Variants in KLHDC7A observed in about 807,000 individuals in gnomAD.
KLHDC7A encodes kelch domain-containing protein 7A.
For synonymous variants in KLHDC7A, 464 were observed against 461.0 expected (o/e 1.01, Z -0.08); for missense variants, 1,123 against 1,052.6 (o/e 1.07, Z -0.93).
Position 18,483,641 on chromosome 1 carries a change from G to C in KLHDC7A, c.*326G>C. ...TACACCGGGACCCCACCAAAGCTTA[G>C]GGGGCATAGTCTTTTTGCAATCACA... On this transcript the variant is annotated 3_prime_UTR_variant, in exon 1 of 1. Coordinates refer to ENST00000400664, the MANE Select transcript of KLHDC7A (RefSeq NM_152375.3). 1 of 1,256,254 alleles carries C rather than the reference G, an allele frequency of 8.0e-7. No individual in the cohort carries two copies. The allele number at this position is 1,256,254 out of a possible 1,614,324, so 77.8% of individuals were successfully genotyped here. A position where few individuals can be genotyped will look rare whatever the true frequency, so the allele number is the denominator to read the frequency against.
rs777761901 is a variant in KLHDC7A, at chr1:18,482,673, G to T, written c.1692G>T (p.Pro564=). The change falls in exon 1 of 1, where the codon CCG becomes CCT. Residue 564 remains proline (P), a synonymous_variant. Transcript: ENST00000400664. ...QPSSRVFCYN[P]LTGIWSEVCP... ...CCAGCCGCGTCTTCTGCTACAACCCGCTCACGGGGATCTGGAGCGAGGTGT... is the reference window on the plus strand; with the variant it reads ...CCAGCCGCGTCTTCTGCTACAACCCTCTCACGGGGATCTGGAGCGAGGTGT... 14 of 1,608,886 alleles carry T rather than the reference G, an allele frequency of 8.7e-6. No individual in the cohort carries two copies. Among genetic ancestry groups the T allele is most frequent in the Admixed American group, 1.7e-5 (1 of 59,920 alleles).
At position 18,484,423 on chromosome 1, in the gene KLHDC7A, AGT is replaced by A. The variant is rs2086920783; in HGVS notation, c.*1111_*1112del. On this transcript the variant is annotated 3_prime_UTR_variant, in exon 1 of 1. Transcript: ENST00000400664. ...GGAGGGACGGGAGAGAGCCTGACCC[AGT>A]GTATTACCACAGCCCTTGTTCCACC... The A allele has an allele frequency of 4.5e-6, 1 of 223,912 alleles. No homozygotes were observed. The highest frequency in any genetic ancestry group is 9.7e-6 in the Non-Finnish European group (1 of 102,812). The allele number at this position is 223,912 out of a possible 1,614,324, so 13.9% of individuals were successfully genotyped here.
chr1:18,481,449 C>G lies in KLHDC7A; in HGVS notation c.468C>G (p.Pro156=), dbSNP rs756291432. 16 of 1,613,788 alleles carry G rather than the reference C, an allele frequency of 9.9e-6. No homozygotes were observed. The South Asian group carries it at 1.4e-4, about 14-fold the overall frequency. ...CTGTTGGCAGTAACCCTGACCCTCC[C>G]CATTTCCCCCGCTTGGGCAGCGAAC... is the stretch of plus-strand genomic sequence containing the variant. ...RTAVGSNPDP[P]HFPRLGSEPK... is the part of the protein sequence containing the mutation. The change falls in exon 1 of 1, where the codon CCC becomes CCG. Residue 156 remains proline (P), a synonymous_variant. Transcript: ENST00000400664.
rs754378998 is a variant in KLHDC7A at position 18,482,380 on chromosome 1, C to T, written c.1399C>T (p.Arg467Cys). Residue 467 changes from arginine (R) to cysteine (C), a missense_variant, in exon 1 of 1, where the codon CGC (arginine) becomes TGC (cysteine). Coordinates refer to ENST00000400664, the MANE Select transcript of KLHDC7A (RefSeq NM_152375.3). Reference protein sequence around the residue: ...VMSENYLQVLRSPDIYGCLSG... With the variant: ...VMSENYLQVLCSPDIYGCLSG... ...GAGCGAAAACTACCTGCAGGTGCTG[C>T]GCAGCCCGGACATCTACGGGTGCCT... 1.4e-5 allele frequency: 22 copies of T among 1,604,756 alleles called. No homozygotes were observed. Among genetic ancestry groups the T allele is most frequent in the South Asian group, 6.6e-5 (6 of 91,088 alleles).
rs2086914750 is a variant in KLHDC7A, at chr1:18,483,590, G to T, written c.*275G>T. 1.5e-6 allele frequency: 2 copies of T among 1,352,796 alleles called. No individual in the cohort carries two copies. Among genetic ancestry groups the T allele is most frequent in the Middle Eastern group, 2.9e-4 (1 of 3,498 alleles). The allele number at this position is 1,352,796 out of a possible 1,614,324, so 83.8% of individuals were successfully genotyped here. On this transcript the variant is annotated 3_prime_UTR_variant, in exon 1 of 1. Transcript: ENST00000400664. ...CATGTCTTCAGGGATGACCGCCCTT[G>T]CTTCAACTCTGAATTCTTGGGGGGA...
In KLHDC7A at chr1:18,481,926, G is replaced by C. The variant is rs559359237; in HGVS notation, c.945G>C (p.Glu315Asp). ...RLAPRTAALT[E>D]VPSPRPPPGS... ...CTCCCAGGACAGCAGCCCTGACTGA[G>C]GTTCCATCCCCTAGGCCACCGCCAG... Residue 315 changes from glutamate (E) to aspartate (D), a missense_variant, in exon 1 of 1, where the codon GAG (glutamate) becomes GAC (aspartate). Coordinates refer to ENST00000400664, the MANE Select transcript of KLHDC7A (RefSeq NM_152375.3). 1.2e-6 allele frequency: 2 copies of C among 1,613,400 alleles called. No individual in the cohort carries two copies. The highest frequency in any genetic ancestry group is 2.7e-5 in the African/African-American group (2 of 75,056).
In KLHDC7A at chr1:18,482,688, G is replaced by C; in HGVS notation, c.1707G>C (p.Trp569Cys). Reference sequence around the variant, plus strand: ...GCTACAACCCGCTCACGGGGATCTGGAGCGAGGTGTGCCCGCTGAACCAGG... The same window carrying C: ...GCTACAACCCGCTCACGGGGATCTGCAGCGAGGTGTGCCCGCTGAACCAGG... Reference protein sequence around the residue: ...VFCYNPLTGIWSEVCPLNQAR... With the variant: ...VFCYNPLTGICSEVCPLNQAR... The change falls in exon 1 of 1, where the codon TGG becomes TGC. Residue 569 changes from tryptophan (W) to cysteine (C), a missense_variant. Transcript: ENST00000400664. 6.2e-7 allele frequency: 1 copy of C among 1,609,516 alleles called. No individual in the cohort carries two copies. The highest frequency in any genetic ancestry group is 8.5e-7 in the Non-Finnish European group (1 of 1,179,360).
chr1:18,482,039 C>G lies in KLHDC7A; in HGVS notation c.1058C>G (p.Pro353Arg). The G allele has an allele frequency of 6.2e-7, 1 of 1,612,642 alleles. No individual in the cohort carries two copies. The highest frequency in any genetic ancestry group is 8.5e-7 in the Non-Finnish European group (1 of 1,179,848). Reference sequence around the variant, plus strand: ...AGAGCCGCCTCCCCGCAGACAGGGCCGTGGCCCTCCACCCGAGGCTTCAGC... The same window carrying G: ...AGAGCCGCCTCCCCGCAGACAGGGCGGTGGCCCTCCACCCGAGGCTTCAGC... ...AERAASPQTG[P>R]WPSTRGFSRK... Residue 353 changes from proline (P) to arginine (R), a missense_variant, in exon 1 of 1, where the codon CCG (proline) becomes CGG (arginine). By Grantham distance (103) the Pro-to-Arg change is moderately radical. Transcript: ENST00000400664.
At position 18,481,254 on chromosome 1, in the gene KLHDC7A, A is replaced by C. The variant is rs771705919; in HGVS notation, c.273A>C (p.Ala91=). 10 of 1,583,692 alleles carry C rather than the reference A, an allele frequency of 6.3e-6. No individual in the cohort carries two copies. The highest frequency in any genetic ancestry group is 8.6e-6 in the Non-Finnish European group (10 of 1,165,356). The part of the protein sequence containing the change: ...RRRRSSKRAE[A]PQGCSCENPR... ...GGAGGAGCAGCAAGCGGGCTGAAGCACCACAGGGCTGCAGCTGTGAGAATC... is the reference window on the plus strand; with the variant it reads ...GGAGGAGCAGCAAGCGGGCTGAAGCCCCACAGGGCTGCAGCTGTGAGAATC... The change falls in exon 1 of 1, where the codon GCA becomes GCC. Residue 91 remains alanine, a synonymous_variant. Coordinates refer to ENST00000400664, the MANE Select transcript of KLHDC7A (RefSeq NM_152375.3).
rs1347656387 is a variant in KLHDC7A, at chr1:18,482,451, C to T, written c.1470C>T (p.Gly490=). ...TGATCCTGCAGCGCCGGCTCCGGGGCCGCCAGTACCTGGTGGTGGCTGACG... is the reference window on the plus strand; with the variant it reads ...TGATCCTGCAGCGCCGGCTCCGGGGTCGCCAGTACCTGGTGGTGGCTGACG... ...RELILQRRLR[G]RQYLVVADVC... is the part of the protein sequence containing the mutation. Residue 490 remains glycine, a synonymous_variant, in exon 1 of 1, where the codon GGC becomes GGT. Coordinates refer to ENST00000400664, the MANE Select transcript of KLHDC7A (RefSeq NM_152375.3). 8 of 1,610,364 alleles carry T rather than the reference C, an allele frequency of 5.0e-6. No homozygotes were observed. Among genetic ancestry groups the T allele is most frequent in the Non-Finnish European group, 6.8e-6 (8 of 1,179,840 alleles).
Position 18,483,079 on chromosome 1 carries a change from C to T in KLHDC7A, c.2098C>T (p.Arg700Trp), listed in dbSNP as rs767877600. Residue 700 changes from arginine (R) to tryptophan (W), a missense_variant, in exon 1 of 1, where the codon CGG (arginine) becomes TGG (tryptophan). Arg to Trp is a moderately radical substitution (Grantham distance 101). Coordinates refer to ENST00000400664, the MANE Select transcript of KLHDC7A (RefSeq NM_152375.3). ...IAVYRCSASTRLWYECATYRT... is the reference protein window; with the variant it reads ...IAVYRCSASTWLWYECATYRT... ...CGTGTACCGCTGCAGCGCCAGCACCCGGCTCTGGTACGAGTGCGCCACGTA... is the reference window on the plus strand; with the variant it reads ...CGTGTACCGCTGCAGCGCCAGCACCTGGCTCTGGTACGAGTGCGCCACGTA... 46 of 1,613,670 alleles carry T rather than the reference C, an allele frequency of 2.9e-5. No homozygotes were observed. Among genetic ancestry groups the T allele is most frequent in the Non-Finnish European group, 3.5e-5 (41 of 1,180,002 alleles).
In KLHDC7A at chr1:18,483,144, GGA is replaced by G; in HGVS notation, c.2164_2165del (p.Asp722GlnfsTer105). On this transcript the variant is annotated frameshift_variant, in exon 1 of 1. Transcript: ENST00000400664. LOFTEE classifies it low-confidence loss of function (END_TRUNC). The stretch of plus-strand genomic sequence containing the variant: ...CGGATGCCTTCCAGTGCGCCGTGGT[GGA>G]CAACCTCATCTACTGCGTGGGACGC... ...YPDAFQCAVV[D>X]NLIYCVGRRS... 6.2e-7 allele frequency: 1 copy of G among 1,614,036 alleles called. No homozygotes were observed. The highest frequency in any genetic ancestry group is 8.5e-7 in the Non-Finnish European group (1 of 1,180,032).
At position 18,482,792 on chromosome 1, in the gene KLHDC7A, G is replaced by C. The variant is rs1201358453; in HGVS notation, c.1811G>C (p.Arg604Pro). Residue 604 changes from arginine to proline, a missense_variant, in exon 1 of 1, where the codon CGT (arginine) becomes CCT (proline). By Grantham distance (103) the Arg-to-Pro change is moderately radical (BLOSUM62 -2). Coordinates refer to ENST00000400664, the MANE Select transcript of KLHDC7A (RefSeq NM_152375.3). ...IGGECLNSVE[R>P]YDPRLDRWDF... Reference sequence around the variant, plus strand: ...GGAGAGTGTCTGAACTCGGTGGAGCGTTACGACCCCCGCCTGGACCGCTGG... The same window carrying C: ...GGAGAGTGTCTGAACTCGGTGGAGCCTTACGACCCCCGCCTGGACCGCTGG... 8 of 1,608,356 alleles carry C rather than the reference G, an allele frequency of 5.0e-6. No homozygotes were observed. Among genetic ancestry groups the C allele is most frequent in the Non-Finnish European group, 2.5e-6 (3 of 1,178,052 alleles).
rs1182436338 is a variant in KLHDC7A, at chr1:18,482,634, C to T, written c.1653C>T (p.Pro551=). Residue 551 remains proline (P), a synonymous_variant, in exon 1 of 1, where the codon CCC becomes CCT. Coordinates refer to ENST00000400664, the MANE Select transcript of KLHDC7A (RefSeq NM_152375.3). ...YLFVVSGCQG[P]GHQPSSRVFC... ...TCGTGGTGTCCGGCTGCCAGGGGCCCGGGCACCAGCCCTCCAGCCGCGTCT... is the reference window on the plus strand; with the variant it reads ...TCGTGGTGTCCGGCTGCCAGGGGCCTGGGCACCAGCCCTCCAGCCGCGTCT... 6 of 1,608,438 alleles carry T rather than the reference C, an allele frequency of 3.7e-6. No homozygotes were observed. Among genetic ancestry groups the T allele is most frequent in the South Asian group, 1.1e-5 (1 of 90,946 alleles).
rs1044389789 is a variant in KLHDC7A, at chr1:18,484,506, A to C, written c.*1191A>C. ...AGTGATGCTCTTGGTCCCAGCCAGAAGCCAGGGGAGATGGGAGGTACACCA... is the reference window on the plus strand; with the variant it reads ...AGTGATGCTCTTGGTCCCAGCCAGACGCCAGGGGAGATGGGAGGTACACCA... On this transcript the variant is annotated 3_prime_UTR_variant, in exon 1 of 1. Coordinates refer to ENST00000400664, the MANE Select transcript of KLHDC7A (RefSeq NM_152375.3). The C allele has an allele frequency of 2.9e-5, 5 of 173,504 alleles. No individual in the cohort carries two copies. The highest frequency in any genetic ancestry group is 5.5e-5 in the Non-Finnish European group (4 of 72,258). The allele number at this position is 173,504 out of a possible 1,614,324, so 10.7% of individuals were successfully genotyped here.
In KLHDC7A at chr1:18,481,851, C is replaced by T. The variant is rs371984882; in HGVS notation, c.870C>T (p.Tyr290=). ...AGCCCCGGCTCAAGGGCAAGGTGTACGACTACTATGTGGAATCTACCTCTC... is the reference window on the plus strand; with the variant it reads ...AGCCCCGGCTCAAGGGCAAGGTGTATGACTACTATGTGGAATCTACCTCTC... ...GVEPRLKGKV[Y]DYYVESTSQA... Residue 290 remains tyrosine, a synonymous_variant, in exon 1 of 1, where the codon TAC becomes TAT. Transcript: ENST00000400664. The T allele has an allele frequency of 1.3e-4, 205 of 1,613,870 alleles. 1 individual carries two copies. Among genetic ancestry groups the T allele is most frequent in the Non-Finnish European group, 1.7e-4 (198 of 1,179,970 alleles).
rs1889861 is a variant in KLHDC7A at position 18,483,990 on chromosome 1, G to A, written c.*675G>A. On this transcript the variant is annotated 3_prime_UTR_variant, in exon 1 of 1. Coordinates refer to ENST00000400664, the MANE Select transcript of KLHDC7A (RefSeq NM_152375.3). ...CACATTACTTTTCTCCTTATTGGAA[G>A]AAAGAGAAGCAGCCATTGTACCAAG... The A allele has an allele frequency of 0.14, 186,204 of 1,303,686 alleles. 16,167 individuals are homozygous for A. Among genetic ancestry groups the A allele is most frequent in the East Asian group, 0.6 (10,794 of 17,988 alleles). The allele number at this position is 1,303,686 out of a possible 1,614,324, so 80.8% of individuals were successfully genotyped here.
Position 18,481,990 on chromosome 1 carries a change from G to C in KLHDC7A, c.1009G>C (p.Gly337Arg), listed in dbSNP as rs1382559320. 2 of 1,612,948 alleles carry C rather than the reference G, an allele frequency of 1.2e-6. No homozygotes were observed. Among genetic ancestry groups the C allele is most frequent in the South Asian group, 2.2e-5 (2 of 91,074 alleles). ...AGGGGCTGCCTCGGGAGGCCAAGCC[G>C]GTGACACAAAGGGTGCAGCCGAAAG... ...GTGAASGGQAGDTKGAAERAA... is the reference protein window; with the variant it reads ...GTGAASGGQARDTKGAAERAA... Residue 337 changes from glycine to arginine, a missense_variant, in exon 1 of 1, where the codon GGT becomes CGT. Coordinates refer to ENST00000400664, the MANE Select transcript of KLHDC7A (RefSeq NM_152375.3).
Position 18,481,965 on chromosome 1 carries a change from A to G in KLHDC7A, c.984A>G (p.Thr328=), listed in dbSNP as rs886431095. 2 of 1,612,906 alleles carry G rather than the reference A, an allele frequency of 1.2e-6. No homozygotes were observed. The highest frequency in any genetic ancestry group is 1.7e-6 in the Non-Finnish European group (2 of 1,179,982). The change falls in exon 1 of 1, where the codon ACA becomes ACG. Residue 328 remains threonine, a synonymous_variant. Transcript: ENST00000400664. The part of the protein sequence containing the change: ...SPRPPPGSLG[T]GAASGGQAGD... ...GGCCACCGCCAGGGTCCCTGGGAAC[A>G]GGGGCTGCCTCGGGAGGCCAAGCCG...
Sources: gnomAD v4.1 joint callset for allele counts on GRCh38, gnomAD v4.1.1 for gene constraint, MANE v1.5 for transcripts, NCBI Gene and HGNC (gene_info 2026-07-23, HGNC 2026-07-21) for gene names.